The following ZNF292 variants were observed in gnomAD, a reference collection of about 807,000 sequenced individuals.
ZNF292 encodes zinc finger protein 292.
In ZNF292, 26 loss-of-function variants were observed where a neutral mutation model predicts 217.9. That is an observed-to-expected ratio of 0.12 (90% CI 0.09 to 0.17). The LOEUF is 0.17. Ranked by LOEUF, ZNF292 falls within the 10% of genes least tolerant of loss-of-function variation. The probability of loss-of-function intolerance (pLI) is 1.00; values close to 1 mark genes in which losing one functional copy is unlikely to be tolerated. For synonymous variants in ZNF292, 1,257 were observed against 1,124.1 expected (o/e 1.12, Z -2.37); for missense variants, 2,904 against 3,175.2 (o/e 0.91, Z 2.05).
chr6:87,209,806 A>G (rs1223156825), intron 1 of ZNF292, among the ~76,000 whole-genome samples: 1 of 152,224 alleles, frequency 6.6e-6, no homozygotes, highest in Non-Finnish European at 1.5e-5. Flanking sequence ...TGTTTTGAAT[A>G]TGGTGAATGT....
Position 87,240,705 on chromosome 6 carries a change from C to T in ZNF292, c.742-2770C>T, listed in dbSNP as rs560976649. 4.1e-4 allele frequency among the ~76,000 whole-genome samples: 62 copies of T among 152,258 alleles called. 1 individual carries two copies. Among genetic ancestry groups the T allele is most frequent in the African/African-American group, 1.4e-3 (58 of 41,552 alleles). The stretch of plus-strand genomic sequence containing the variant: ...AAAGTGCTGGAATTTCAGGCGTGAG[C>T]CACCGGGCCCAGCCTAAGAGTGGCT... On this transcript the variant is annotated intron_variant, in intron 5 of 7. Coordinates refer to ENST00000369577, the MANE Select transcript of ZNF292 (RefSeq NM_015021.3).
chr6:87,173,415 T>G (rs1239731133), intron 1 of ZNF292: 2 of 154,788 alleles, frequency 1.3e-5, no homozygotes, highest in Non-Finnish European at 2.9e-5. Context: ...AAATTTAGCT[T>G]CTTCACTGTG....
intron 1 of ZNF292, among the ~76,000 whole-genome samples, chr6:87,196,485 T>C (rs543409853): frequency 2.0e-5 from 3 of 152,342 alleles, no homozygotes; most frequent in South Asian, 4.1e-4. Flanking sequence ...TTCATGCATA[T>C]ACTGAATAAC....
rs1319919639 is a variant in ZNF292 at position 87,259,338 on chromosome 6, G to A, written c.5709G>A (p.Val1903=). 2 of 1,613,306 alleles carry A rather than the reference G, an allele frequency of 1.2e-6. No homozygotes were observed. The highest frequency in any genetic ancestry group is 2.7e-5 in the African/African-American group (2 of 74,906). ...QFNDKVNKPF[V]CQNQGCNYSA... ...ATGACAAAGTTAATAAACCCTTTGT[G>A]TGTCAAAACCAAGGCTGTAACTACA... The change falls in exon 8 of 8, where the codon GTG becomes GTA. Residue 1903 remains valine (V), a synonymous_variant. Coordinates refer to ENST00000369577, the MANE Select transcript of ZNF292 (RefSeq NM_015021.3).
intron 1 of ZNF292, among the ~76,000 whole-genome samples, chr6:87,157,038 A>G (rs1238474845): frequency 6.6e-6 from 1 of 152,232 alleles, no homozygotes; most frequent in African/African-American, 2.4e-5. Context: ...AGCTGAGTAG[A>G]TTACATTTTC....
At chr6:87,211,183 C>T (rs1318187921) in intron 1 of ZNF292, among the ~76,000 whole-genome samples, 1 of 152,094 alleles carries the variant, frequency 6.6e-6, no homozygotes, top group Non-Finnish European at 1.5e-5. Flanking sequence ...TCGTGGGCCA[C>T]CACCTGTCTC....
chr6:87,260,937 G>A lies in ZNF292; in HGVS notation c.7308G>A (p.Lys2436=), dbSNP rs1775549470. The A allele has an allele frequency of 5.6e-6, 9 of 1,610,896 alleles. No individual in the cohort carries two copies. In the East Asian group the frequency reaches 2.0e-4, roughly 36 times the overall value. ...AACGGTGTTGCAACTCACAAGTAAA[G>A]GAAACGTCTGAGCAAGAAGGTGCTA... is the stretch of plus-strand genomic sequence containing the variant. ...VFKRCCNSQV[K]ETSEQEGAKN... Residue 2436 remains lysine, a synonymous_variant, in exon 8 of 8, where the codon AAG becomes AAA. Transcript: ENST00000369577.
At chr6:87,203,525 C>T (rs1057426277) in intron 1 of ZNF292, among the ~76,000 whole-genome samples, 2 of 151,916 alleles carry the variant, frequency 1.3e-5, no homozygotes, top group Non-Finnish European at 2.9e-5. Context: ...ATATTGCAAC[C>T]GTTTCTCTTC....
intron 1 of ZNF292, among the ~76,000 whole-genome samples, chr6:87,167,633 C>T (rs1364882585): frequency 1.3e-5 from 2 of 152,132 alleles, no homozygotes; most frequent in African/African-American, 2.4e-5. Context: ...AAGAATGAAA[C>T]GAAACGCTGT....
chr6:87,246,186 G>A (rs919091816), intron 7 of ZNF292, among the ~76,000 whole-genome samples: 4 of 152,178 alleles, frequency 2.6e-5, no homozygotes, highest in South Asian at 2.1e-4. Flanking sequence ...AGCTGAGATC[G>A]TGCCTCTGCA....
chr6:87,245,762 C>G lies in ZNF292; in HGVS notation c.1020+118C>G, dbSNP rs1342477288. Reference sequence around the variant, plus strand: ...GATTTTTAAATTTTTTCAGTTAGTCCTTTGAACATTTTCTTGTTAGTCCTT... The same window carrying G: ...GATTTTTAAATTTTTTCAGTTAGTCGTTTGAACATTTTCTTGTTAGTCCTT... On this transcript the variant is annotated intron_variant, in intron 7 of 7. Coordinates refer to ENST00000369577, the MANE Select transcript of ZNF292 (RefSeq NM_015021.3). 7.8e-6 allele frequency: 5 copies of G among 637,940 alleles called. No homozygotes were observed. In the East Asian group the frequency reaches 1.6e-4, roughly 20 times the overall value. The allele number at this position is 637,940 out of a possible 1,614,324, so 39.5% of individuals were successfully genotyped here.
At chr6:87,172,339 A>C (rs1771128485) in intron 1 of ZNF292, among the ~76,000 whole-genome samples, 1 of 152,166 alleles carries the variant, frequency 6.6e-6, no homozygotes, top group Non-Finnish European at 1.5e-5. Context: ...AGAATGGTTG[A>C]GGCACAAATG....
Position 87,261,112 on chromosome 6 carries a change from G to T in ZNF292, c.7483G>T (p.Glu2495Ter). The T allele has an allele frequency of 6.2e-7, 1 of 1,611,898 alleles. No homozygotes were observed. The highest frequency in any genetic ancestry group is 1.1e-5 in the South Asian group (1 of 90,776). Residue 2495 changes from glutamate to a stop codon, truncating the protein, a stop_gained, in exon 8 of 8, where the codon GAA (glutamate) becomes TAA (stop). Coordinates refer to ENST00000369577, the MANE Select transcript of ZNF292 (RefSeq NM_015021.3). LOFTEE classifies it high-confidence loss of function. ...TELFITKLIN[E>*]DSTSVETQAN... ...ATTGTTTATTACAAAATTAATAAAT[G>T]AAGATAGCACAAGTGTAGAGACCCA...
chr6:87,261,296 C>G lies in ZNF292; in HGVS notation c.7667C>G (p.Ala2556Gly). The G allele has an allele frequency of 1.2e-6, 2 of 1,613,232 alleles. No homozygotes were observed. The highest frequency in any genetic ancestry group is 1.7e-6 in the Non-Finnish European group (2 of 1,179,646). ...KVEKAEPASAAELSSVRKEEE... is the reference protein window; with the variant it reads ...KVEKAEPASAGELSSVRKEEE... ...GAAAAAGCTGAACCAGCATCAGCAG[C>G]TGAGTTAAGTAGCGTGCGTAAAGAA... is the stretch of plus-strand genomic sequence containing the variant. The change falls in exon 8 of 8, where the codon GCT becomes GGT. Residue 2556 changes from alanine (A) to glycine (G), a missense_variant. Around this residue, in one of 15 missense-constraint regions of ZNF292, gnomAD observed 380 missense variants for 355.3 expected, o/e 1.07. Transcript: ENST00000369577.
intron 1 of ZNF292, among the ~76,000 whole-genome samples, chr6:87,163,116 C>CT (rs1368791396): frequency 6.6e-6 from 1 of 152,112 alleles, no homozygotes; most frequent in Non-Finnish European, 1.5e-5. Flanking sequence ...ACTAAAGTCT[C>CT]TAAGTATATA....
At chr6:87,194,501 A>G (rs1754529203) in intron 1 of ZNF292, among the ~76,000 whole-genome samples, 1 of 152,188 alleles carries the variant, frequency 6.6e-6, no homozygotes, top group Admixed American at 6.5e-5. Context: ...AGTAGGCAAA[A>G]TCAGGAATAA....
intron 1 of ZNF292, among the ~76,000 whole-genome samples, chr6:87,199,870 AG>A (rs1269915906): frequency 6.6e-6 from 1 of 152,248 alleles, no homozygotes; most frequent in Non-Finnish European, 1.5e-5. Context: ...TAGAAATTAA[AG>A]GAATCAATCA....
chr6:87,231,410 T>A (rs1248472301), intron 4 of ZNF292, among the ~76,000 whole-genome samples: 3 of 152,200 alleles, frequency 2.0e-5, no homozygotes, highest in Non-Finnish European at 4.4e-5. Flanking sequence ...TGTCATTAAC[T>A]GGCTTTATGT....
chr6:87,255,741 G>C lies in ZNF292; in HGVS notation c.2112G>C (p.Gly704=). The change falls in exon 8 of 8, where the codon GGG becomes GGC. Residue 704 remains glycine (G), a synonymous_variant. Transcript: ENST00000369577. ...AAAATTTAATTGCTCATGTGAAGGG[G>C]CATAAAGATAATGAAGACGCCAAGC... ...YFKNLIAHVK[G]HKDNEDAKRF... The C allele has an allele frequency of 4.3e-6, 7 of 1,613,720 alleles. No individual in the cohort carries two copies. Among genetic ancestry groups the C allele is most frequent in the Non-Finnish European group, 5.9e-6 (7 of 1,179,808 alleles).
Sources: gnomAD v4.1 joint callset for allele counts (sites outside exome capture counted in the v4.1 genomes callset) on GRCh38, gnomAD v4.1.1 for gene constraint, gnomAD v4.1.1 regional missense constraint, MANE v1.5 for transcripts, NCBI Gene and HGNC (gene_info 2026-07-23, HGNC 2026-07-21) for gene names.